The following SNHG17 variants were observed in gnomAD, a reference collection of about 807,000 sequenced individuals.
SNHG17 encodes small nucleolar RNA host gene 17 (non-protein coding).
At chr20:38,433,899 G>C (rs1364267802) in intron 2 of SNHG17, 1 of 519,242 alleles carries the variant, frequency 1.9e-6, no homozygotes, top group Non-Finnish European at 3.8e-6. Context: ...AGGGACAGGA[G>C]CGGACCCTCC....
intron 2 of SNHG17, among the ~76,000 whole-genome samples, chr20:38,431,429 T>A (rs563600200): frequency 6.6e-6 from 1 of 152,160 alleles, no homozygotes; most frequent in East Asian, 1.9e-4. Context: ...CTTGTTGAAA[T>A]TGGAGACCAA....
intron 2 of SNHG17, among the ~76,000 whole-genome samples, chr20:38,432,770 T>C (rs138287484): frequency 0.011 from 1,681 of 152,328 alleles, 26 homozygotes; most frequent in African/African-American, 0.038. Context: ...TAGCACAATC[T>C]CGGCTCACTG....
chr20:38,435,238 A>T (rs931206276), exon 1 of SNHG17: 1 of 1,231,968 alleles, frequency 8.1e-7, no homozygotes, highest in Non-Finnish European at 1.0e-6. Context: ...CCTGACAGAC[A>T]GCGTGGGAAA....
intron 1 of SNHG17, chr20:38,434,914 G>A: frequency 8.2e-7 from 1 of 1,223,072 alleles, no homozygotes; most frequent in Non-Finnish European, 1.0e-6. Context: ...GCCGAGCCCT[G>A]TTTCCCGCCA....
intron 3 of SNHG17, chr20:38,427,340 G>T (rs1183670678): frequency 3.9e-6 from 2 of 517,940 alleles, no homozygotes; most frequent in Non-Finnish European, 7.7e-6. Context: ...GGATGGGATA[G>T]GGTGGACCCT....
At chr20:38,424,712 T>C (rs937254226) in intron 5 of SNHG17, among the ~76,000 whole-genome samples, 2 of 150,534 alleles carry the variant, frequency 1.3e-5, no homozygotes, top group Non-Finnish European at 3.0e-5. Context: ...TGGGAAGGAG[T>C]GTGATGGGGA....
At chr20:38,424,738 T>C (rs568149375) in intron 5 of SNHG17, among the ~76,000 whole-genome samples, 1 of 152,068 alleles carries the variant, frequency 6.6e-6, no homozygotes, top group Admixed American at 6.5e-5. Context: ...AGAGAGCTTC[T>C]GGGGGGAGCT....
In SNHG17 at chr20:38,426,995, T is replaced by TATAC. The variant is rs1323738521; in HGVS notation, n.381-493_381-492insGTAT. Among the ~76,000 whole-genome samples the TATAC allele has an allele frequency of 7.4e-3, 928 of 125,642 alleles. 33 individuals are homozygous for TATAC. The highest frequency in any genetic ancestry group is 0.025 in the African/African-American group (895 of 35,166). 82.4% of individuals were successfully genotyped at this position (125,642 alleles called of 152,430 possible). On this transcript the variant is annotated intron_variant and non_coding_transcript_variant, in intron 3 of 8. Coordinates refer to ENST00000654008, the Ensembl canonical transcript of SNHG17. The stretch of plus-strand genomic sequence containing the variant: ...CCCTATCCTGTCCCCAAGTTACACA[T>TATAC]ACACACACACACACACACACACACA...
chr20:38,423,603 T>C (rs2084196404), intron 5 of SNHG17, among the ~76,000 whole-genome samples: 2 of 147,984 alleles, frequency 1.4e-5, no homozygotes. Context: ...AAATGGTAAT[T>C]ACCATGGGCA....
In SNHG17 at chr20:38,432,772, G is replaced by A. The variant is rs374743099; in HGVS notation, n.309-1660C>T. ...GGCTGGAATGCAGTAGCACAATCTCGGCTCACTGCAACCTCCACCTCCTGG... is the reference window on the plus strand; with the variant it reads ...GGCTGGAATGCAGTAGCACAATCTCAGCTCACTGCAACCTCCACCTCCTGG... On this transcript the variant is annotated intron_variant and non_coding_transcript_variant, in intron 2 of 8. Transcript: ENST00000654008. Among the ~76,000 whole-genome samples, 68 of 152,284 alleles carry A rather than the reference G, an allele frequency of 4.5e-4. No homozygotes were observed. In the South Asian group the frequency reaches 7.7e-3, roughly 17 times the overall value.
intron 1 of SNHG17, chr20:38,434,767 C>G (rs956244497): frequency 6.7e-6 from 6 of 902,000 alleles, no homozygotes; most frequent in Non-Finnish European, 8.1e-6. Context: ...GTTCTAACAC[C>G]TACTTTTAAA....
intron 3 of SNHG17, among the ~76,000 whole-genome samples, chr20:38,430,053 A>T (rs1356651099): frequency 6.6e-6 from 1 of 152,222 alleles, no homozygotes; most frequent in African/African-American, 2.4e-5. Flanking sequence ...GCAGTGGCTC[A>T]CGCCTGTAAT....
intron 3 of SNHG17, chr20:38,426,601 G>A (rs1478910654): frequency 6.6e-6 from 1 of 151,034 alleles, no homozygotes; most frequent in Non-Finnish European, 1.5e-5. Context: ...GGGGTGGGAT[G>A]GGCTAGACGG....
In SNHG17 at chr20:38,426,237, C is replaced by T. The variant is rs747013235; in HGVS notation, n.465+182G>A. On this transcript the variant is annotated intron_variant and non_coding_transcript_variant, in intron 4 of 8. Transcript: ENST00000654008. ...CCAAGGGGAGCTCTGTAAGCCCCAC[C>T]GTGATTCACACAGTGGAGTCGCAGA... Among the ~76,000 whole-genome samples the T allele has an allele frequency of 2.8e-4, 43 of 152,066 alleles. 1 individual carries two copies. Among genetic ancestry groups the T allele is most frequent in the Non-Finnish European group, 4.1e-4 (28 of 68,014 alleles).
chr20:38,428,336 G>A (rs1039754952), intron 3 of SNHG17: 2 of 152,166 alleles, frequency 1.3e-5, no homozygotes, highest in South Asian at 4.1e-4. Context: ...GAATCCATAG[G>A]ACATGGCTCC....
intron 5 of SNHG17, among the ~76,000 whole-genome samples, chr20:38,422,828 C>T (rs554888784): frequency 1.3e-5 from 2 of 152,244 alleles, no homozygotes; most frequent in South Asian, 2.1e-4. Context: ...CGGTGGCTCA[C>T]ACCTGTAATC....
At chr20:38,428,235 G>A (rs2084281848) in intron 3 of SNHG17, 1 of 152,222 alleles carries the variant, frequency 6.6e-6, no homozygotes, top group African/African-American at 2.4e-5. Flanking sequence ...GCAGCTCCCT[G>A]CAGGGGCCTC....
intron 3 of SNHG17, chr20:38,429,663 G>A (rs201755238): frequency 4.3e-5 from 21 of 490,412 alleles, no homozygotes; most frequent in Middle Eastern, 3.3e-4. Flanking sequence ...TGGTGGGAGG[G>A]AGGAGGTGTG....
At chr20:38,422,690 A>G (rs1191020608) in intron 5 of SNHG17, among the ~76,000 whole-genome samples, 1 of 152,198 alleles carries the variant, frequency 6.6e-6, no homozygotes, top group Non-Finnish European at 1.5e-5. Context: ...CCAATCGCCA[A>G]GATACGGAAA....
Sources: allele counts gnomAD v4.1 joint callset (sites outside exome capture counted in the v4.1 genomes callset), GRCh38; gene constraint gnomAD v4.1.1; transcripts MANE v1.5; gene names NCBI Gene and HGNC (gene_info 2026-07-23, HGNC 2026-07-21).